EGFR: variants seen among roughly 807,000 people sequenced by gnomAD.
EGFR encodes avian erythroblastic leukemia viral (v-erb-b) oncogene homolog.
Under a neutral mutation model 143.0 loss-of-function variants are expected in EGFR, and 58 were observed. The observed-to-expected ratio is 0.41, with a 90% CI of 0.33 to 0.50. The LOEUF (loss-of-function observed/expected upper bound fraction) is 0.50. Ranked by LOEUF, EGFR falls within the 20% of genes least tolerant of loss-of-function variation. The pLI, the probability that EGFR is intolerant of heterozygous loss-of-function variation, is 0.39. For synonymous variants in EGFR, 613 were observed against 594.4 expected, an observed-to-expected ratio of 1.03 and a Z score of -0.45; for missense variants, 1,307 against 1,579.0, an observed-to-expected ratio of 0.83 and a Z score of 2.92.
intron 1 of EGFR, among the ~76,000 whole-genome samples, chr7:55,019,841 T>G (rs924634717): frequency 3.3e-5 from 5 of 152,034 alleles, no homozygotes; most frequent in Admixed American, 3.3e-4. Flanking sequence ...CTGCACTGTT[T>G]AGGGAAGCTG....
At chr7:55,054,339 A>G (rs1445885123) in intron 1 of EGFR, among the ~76,000 whole-genome samples, 4 of 152,216 alleles carry the variant, frequency 2.6e-5, no homozygotes, top group African/African-American at 9.6e-5. Flanking sequence ...TGGGATATGC[A>G]GCACTAAGTT....
At chr7:55,193,543 T>C (rs746791941) in intron 22 of EGFR, among the ~76,000 whole-genome samples, 1 of 152,198 alleles carries the variant, frequency 6.6e-6, no homozygotes, top group Non-Finnish European at 1.5e-5. Flanking sequence ...CTCTGACCGC[T>C]GTGCCAGGCA....
At chr7:55,093,543 C>G (rs1791261547) in intron 1 of EGFR, among the ~76,000 whole-genome samples, 1 of 152,194 alleles carries the variant, frequency 6.6e-6, no homozygotes, top group Non-Finnish European at 1.5e-5. Flanking sequence ...AGGACCTTCT[C>G]CCGACCGTGA....
intron 15 of EGFR, 184 bp from the exon 16 acceptor site, chr7:55,170,991 A>G: frequency 6.9e-7 from 1 of 1,458,880 alleles, no homozygotes. Flanking sequence ...TGCTGAGTGA[A>G]TGAACAAATG....
chr7:55,160,937 A>G (rs964083380), intron 12 of EGFR, among the ~76,000 whole-genome samples: 13 of 152,132 alleles, frequency 8.5e-5, no homozygotes, highest in African/African-American at 2.9e-4. Context: ...GAATTCAGTG[A>G]AATTCCTGTG....
At chr7:55,157,808 A>G in intron 11 of EGFR, 55 bp downstream of exon 11, 1 of 1,567,854 alleles carries the variant, frequency 6.4e-7, no homozygotes, top group Non-Finnish European at 8.8e-7. Flanking sequence ...TTAGTTGGAA[A>G]TTAGGCTTAA....
Position 55,181,416 on chromosome 7 carries a change from C to A in EGFR, c.2407C>A (p.Arg803=), listed in dbSNP as rs1215679186. The part of the protein sequence containing the change: ...MPFGCLLDYV[R]EHKDNIGSQY... ...CTTCGGCTGCCTCCTGGACTATGTCCGGGAACACAAAGACAATATTGGCTC... is the reference window on the plus strand; with the variant it reads ...CTTCGGCTGCCTCCTGGACTATGTCAGGGAACACAAAGACAATATTGGCTC... Residue 803 remains arginine, a synonymous_variant, in exon 20 of 28, where the codon CGG becomes AGG. Transcript: ENST00000275493. The A allele has an allele frequency of 1.1e-5, 18 of 1,614,198 alleles. No homozygotes were observed. The East Asian group carries it at 4.0e-4, about 36-fold the overall frequency.
chr7:55,143,981 G>C (rs1170408363), intron 3 of EGFR, among the ~76,000 whole-genome samples: 1 of 152,178 alleles, frequency 6.6e-6, no homozygotes, highest in Non-Finnish European at 1.5e-5. Context: ...GAATTTTTGT[G>C]AGCAGGACTC....
chr7:55,093,833 G>A (rs962175338), intron 1 of EGFR, among the ~76,000 whole-genome samples: 1 of 152,182 alleles, frequency 6.6e-6, no homozygotes, highest in Admixed American at 6.5e-5. Flanking sequence ...CAGTGTGGCT[G>A]CCTGAATCAT....
intron 1 of EGFR, among the ~76,000 whole-genome samples, chr7:55,069,283 G>A (rs1245260733): frequency 6.6e-6 from 1 of 152,166 alleles, no homozygotes; most frequent in Non-Finnish European, 1.5e-5. Context: ...CAAACAGCCT[G>A]TCCTCAGCTG....
chr7:55,177,514 A>G (rs1478341969), intron 19 of EGFR, among the ~76,000 whole-genome samples: 2 of 152,208 alleles, frequency 1.3e-5, no homozygotes, highest in African/African-American at 4.8e-5. Flanking sequence ...GGCTTAGTGA[A>G]TGAGTAAAGT....
At chr7:55,093,056 C>T (rs1562707320) in intron 1 of EGFR, among the ~76,000 whole-genome samples, 1 of 152,216 alleles carries the variant, frequency 6.6e-6, no homozygotes, top group Admixed American at 6.5e-5. Flanking sequence ...AAGAGCCTTT[C>T]TATTTTAATC....
intron 11 of EGFR, among the ~76,000 whole-genome samples, chr7:55,159,572 C>A (rs1210300111): frequency 2.0e-5 from 3 of 152,182 alleles, no homozygotes; most frequent in African/African-American, 4.8e-5. Flanking sequence ...TGGTCAGAGG[C>A]CCCTGCTCTT....
intron 20 of EGFR, 22 bp downstream of exon 20, chr7:55,181,500 G>C (rs750802091): frequency 6.2e-7 from 1 of 1,614,156 alleles, no homozygotes; most frequent in Non-Finnish European, 8.5e-7. Context: ...AGGGAGATAC[G>C]GGGAGGGGAG....
intron 20 of EGFR, among the ~76,000 whole-genome samples, chr7:55,185,800 C>A (rs530925705): frequency 2.0e-5 from 3 of 152,328 alleles, no homozygotes; most frequent in Admixed American, 6.5e-5. Context: ...CTGACCACAA[C>A]TGTATAAGCA....
intron 1 of EGFR, among the ~76,000 whole-genome samples, chr7:55,050,128 G>A (rs1390329240): frequency 6.6e-6 from 1 of 152,126 alleles, no homozygotes; most frequent in Non-Finnish European, 1.5e-5. Flanking sequence ...GTATAAAAGT[G>A]GAGTTCAGTG....
chr7:55,047,395 C>T (rs1308275325), intron 1 of EGFR, among the ~76,000 whole-genome samples: 2 of 152,238 alleles, frequency 1.3e-5, no homozygotes, highest in Non-Finnish European at 2.9e-5. Flanking sequence ...TGCATTCAAT[C>T]AAAATGTTTT....
At chr7:55,066,572 CT>C (rs1023712410) in intron 1 of EGFR, among the ~76,000 whole-genome samples, 42 of 152,272 alleles carry the variant, frequency 2.8e-4, no homozygotes, top group African/African-American at 9.9e-4. Context: ...AGAGGCATCT[CT>C]TTTCACTGTC....
Position 55,171,225 on chromosome 7 carries a change from C to G in EGFR, c.1919+12C>G. 1 of 1,614,214 alleles carries G rather than the reference C, an allele frequency of 6.2e-7. No individual in the cohort carries two copies. Among genetic ancestry groups the G allele is most frequent in the South Asian group, 1.1e-5 (1 of 91,086 alleles). On this transcript the variant is annotated intron_variant, in intron 16 of 27. Transcript: ENST00000275493. ...TGTCCAACGAATGGGTAAGTGTTCA[C>G]AGCTCTGTGTCACATGGACCTCGTC...
Sources: gnomAD v4.1 joint callset for allele counts (sites outside exome capture counted in the v4.1 genomes callset) on GRCh38, gnomAD v4.1.1 for gene constraint, MANE v1.5 for transcripts, NCBI Gene and HGNC (gene_info 2026-07-23, HGNC 2026-07-21) for gene names.